HS3ST2: variants seen among roughly 807,000 people sequenced by gnomAD.
HS3ST2 encodes heparan sulfate glucosamine 3-O-sulfotransferase 2.
HS3ST2 carries 17 observed loss-of-function variants against 26.3 expected under a neutral mutation model. The observed-to-expected ratio is 0.65, with a 90% CI of 0.44 to 0.97. The LOEUF is 0.97. Among genes scored for constraint, HS3ST2 ranks in the 50% least tolerant of loss-of-function variants. HS3ST2 has a pLI of 0.00. For synonymous variants in HS3ST2, 237 were observed against 219.2 expected (o/e 1.08, Z -0.72); for missense variants, 402 against 501.2 (o/e 0.80, Z 1.89).
chr16:22,892,282 T>A, intron 1 of HS3ST2, among the ~76,000 whole-genome samples: 1 of 147,922 alleles, frequency 6.8e-6, no homozygotes. Context: ...AGAGCAAGAC[T>A]CTGTCTCAAA....
intron 1 of HS3ST2, among the ~76,000 whole-genome samples, chr16:22,869,389 C>T (rs1415874875): frequency 2.0e-5 from 3 of 152,214 alleles, no homozygotes; most frequent in South Asian, 2.1e-4. Context: ...GCCCAAGACT[C>T]AGTTCCCTGA....
chr16:22,894,448 C>T (rs561587103), intron 1 of HS3ST2, among the ~76,000 whole-genome samples: 22 of 152,306 alleles, frequency 1.4e-4, no homozygotes, highest in Admixed American at 3.9e-4. Context: ...TTTCCCAAAA[C>T]GCTCACCGCC....
rs148241891 is a variant in HS3ST2 at position 22,864,079 on chromosome 16, C to A, written c.485+48984C>A. On this transcript the variant is annotated intron_variant, in intron 1 of 1. Transcript: ENST00000261374. ...CTCCTGCAGCATGTAAACTCACCCA[C>A]CCTGGACAATTGGATCTTTTGGATT... Among the ~76,000 whole-genome samples, 449 of 152,312 alleles carry A rather than the reference C, an allele frequency of 2.9e-3. 3 individuals are homozygous for A. The highest frequency in any genetic ancestry group is 0.01 in the African/African-American group (429 of 41,566).
chr16:22,891,644 G>A (rs1375566343), intron 1 of HS3ST2, among the ~76,000 whole-genome samples: 10 of 151,922 alleles, frequency 6.6e-5, no homozygotes, highest in Admixed American at 1.3e-4. Context: ...TTTCTTTGAC[G>A]TCTAATGACT....
chr16:22,860,638 A>G (rs1901661256), intron 1 of HS3ST2, among the ~76,000 whole-genome samples: 2 of 152,018 alleles, frequency 1.3e-5, no homozygotes, highest in South Asian at 4.1e-4. Context: ...CAACACTTAC[A>G]CCATTTTAGG....
intron 1 of HS3ST2, among the ~76,000 whole-genome samples, chr16:22,840,405 C>T (rs565605309): frequency 6.6e-6 from 1 of 150,504 alleles, no homozygotes; most frequent in African/African-American, 2.5e-5. Context: ...TTTCTTGAGA[C>T]AGAGTCTCAT....
intron 1 of HS3ST2, among the ~76,000 whole-genome samples, chr16:22,825,695 T>C (rs1420476624): frequency 6.6e-6 from 1 of 152,228 alleles, no homozygotes; most frequent in Non-Finnish European, 1.5e-5. Context: ...ATACATTCAC[T>C]TCATGATTTT....
In HS3ST2 at chr16:22,831,925, G is replaced by C. The variant is rs182338561; in HGVS notation, c.485+16830G>C. Among the ~76,000 whole-genome samples, 10 of 152,204 alleles carry C rather than the reference G, an allele frequency of 6.6e-5. No individual in the cohort carries two copies. The Middle Eastern group carries it at 0.017, about 259-fold the overall frequency. On this transcript the variant is annotated intron_variant, in intron 1 of 1. Transcript: ENST00000261374. ...CTATACATGTGTTAAAATTCATAAA[G>C]TGAATACCAATAAAAAGATGATTTT...
intron 1 of HS3ST2, among the ~76,000 whole-genome samples, chr16:22,816,452 T>C (rs1900870541): frequency 6.6e-6 from 1 of 152,236 alleles, no homozygotes; most frequent in Admixed American, 6.5e-5. Flanking sequence ...CTTTGCAGGT[T>C]ACTCCTGGCT....
intron 1 of HS3ST2, among the ~76,000 whole-genome samples, chr16:22,899,102 G>T (rs1416332140): frequency 1.3e-5 from 2 of 152,200 alleles, no homozygotes; most frequent in South Asian, 2.1e-4. Flanking sequence ...AAGTTGTAAA[G>T]CTTGGTGTTA....
intron 1 of HS3ST2, among the ~76,000 whole-genome samples, chr16:22,834,243 C>T (rs1385328720): frequency 6.6e-6 from 1 of 152,060 alleles, no homozygotes; most frequent in Non-Finnish European, 1.5e-5. Flanking sequence ...TTTAAAATTA[C>T]CCAAAGTGTA....
chr16:22,870,529 A>G (rs946592493), intron 1 of HS3ST2, among the ~76,000 whole-genome samples: 1 of 151,958 alleles, frequency 6.6e-6, no homozygotes, highest in African/African-American at 2.4e-5. Flanking sequence ...TACAGCCTCC[A>G]AGGTCCTACA....
intron 1 of HS3ST2, among the ~76,000 whole-genome samples, chr16:22,815,732 G>T (rs74014339): frequency 6.6e-6 from 1 of 152,064 alleles, no homozygotes; most frequent in Non-Finnish European, 1.5e-5. Flanking sequence ...TTCGAGTCTT[G>T]GGTCTGTCAC....
chr16:22,913,516 AGAC>A (rs972382680), intron 1 of HS3ST2, among the ~76,000 whole-genome samples: 1 of 152,222 alleles, frequency 6.6e-6, no homozygotes, highest in African/African-American at 2.4e-5. Flanking sequence ...TTTCAGCAGA[AGAC>A]GTCAGAACTC....
intron 1 of HS3ST2, among the ~76,000 whole-genome samples, chr16:22,837,652 C>T (rs1412843960): frequency 6.7e-6 from 1 of 150,048 alleles, no homozygotes; most frequent in African/African-American, 2.5e-5. Context: ...TATATGTATG[C>T]ACACACACGT....
At chr16:22,882,569 A>G (rs1205555663) in intron 1 of HS3ST2, among the ~76,000 whole-genome samples, 1 of 152,056 alleles carries the variant, frequency 6.6e-6, no homozygotes, top group African/African-American at 2.4e-5. Context: ...CCCTGTCTCC[A>G]CTAAAAATAA....
chr16:22,842,046 T>G (rs1249977187), intron 1 of HS3ST2, among the ~76,000 whole-genome samples: 1 of 147,642 alleles, frequency 6.8e-6, no homozygotes, highest in African/African-American at 2.5e-5. Context: ...ATGTAATTTC[T>G]TTTTTTCTTT....
intron 1 of HS3ST2, among the ~76,000 whole-genome samples, chr16:22,843,121 A>G (rs562529605): frequency 6.6e-6 from 1 of 152,150 alleles, no homozygotes; most frequent in South Asian, 2.1e-4. Flanking sequence ...AAAAATCATA[A>G]TCACAGAATA....
chr16:22,868,346 T>G (rs111989740), intron 1 of HS3ST2, among the ~76,000 whole-genome samples: 1 of 144,644 alleles, frequency 6.9e-6, no homozygotes, highest in African/African-American at 2.6e-5. Flanking sequence ...GAAGCGGAGG[T>G]TGCAGTGAGC....
Sources: allele counts gnomAD v4.1 joint callset (sites outside exome capture counted in the v4.1 genomes callset), GRCh38; gene constraint gnomAD v4.1.1; transcripts MANE v1.5; gene names NCBI Gene and HGNC (gene_info 2026-07-23, HGNC 2026-07-21).